Variants in CDH11 observed in about 807,000 individuals in gnomAD.
CDH11 encodes cadherin 11.
Under a neutral mutation model 67.8 loss-of-function variants are expected in CDH11, and 11 were observed. The observed-to-expected ratio is 0.16, with a 90% CI of 0.10 to 0.27. The LOEUF is 0.27. CDH11 is among the 10% of genes least tolerant of loss of function. CDH11 has a pLI of 1.00. For synonymous variants in CDH11, 419 were observed against 400.0 expected (o/e 1.05, Z -0.57); for missense variants, 847 against 1,031.2 (o/e 0.82, Z 2.45).
At chr16:64,954,605 C>T (rs1465354279) in intron 11 of CDH11, among the ~76,000 whole-genome samples, 4 of 152,126 alleles carry the variant, frequency 2.6e-5, no homozygotes, top group African/African-American at 7.2e-5. Context: ...TAAAGGTGAA[C>T]ACAGTGGGTA....
rs143816723 is a variant in CDH11 at position 64,976,851 on chromosome 16, AAACCAACCAACC to A, written c.1254-3823_1254-3812del. 3.2e-3 allele frequency among the ~76,000 whole-genome samples: 474 copies of A among 147,078 alleles called. 4 individuals carry two copies. The highest frequency in any genetic ancestry group is 9.9e-3 in the African/African-American group (391 of 39,642). ...CAACAGAGTGAGACTCGGTCTCCAA[AAACCAACCAACC>A]AACCAACCAACCAACCAACCAACCA... On this transcript the variant is annotated intron_variant, in intron 8 of 12. Coordinates refer to ENST00000268603, the MANE Select transcript of CDH11 (RefSeq NM_001797.4).
At chr16:65,032,326 A>C (rs1370979753) in intron 2 of CDH11, among the ~76,000 whole-genome samples, 4 of 141,972 alleles carry the variant, frequency 2.8e-5, no homozygotes, top group African/African-American at 2.7e-5. Flanking sequence ...GTCTCTCCCA[A>C]AAAAAAAAAA....
chr16:64,972,942 G>GA lies in CDH11; in HGVS notation c.1351_1352insT (p.Thr451IlefsTer27). On this transcript the variant is annotated frameshift_variant, in exon 9 of 13. Coordinates refer to ENST00000268603, the MANE Select transcript of CDH11 (RefSeq NM_001797.4). LOFTEE classifies it high-confidence loss of function. ...AAAGACAGTGATGTTGAGCCAGGCT[G>GA]TTTCCTCTCTATCCAGAGGTTTTGT... The GA allele has an allele frequency of 6.2e-7, 1 of 1,613,808 alleles. No individual in the cohort carries two copies. Among genetic ancestry groups the GA allele is most frequent in the Non-Finnish European group, 8.5e-7 (1 of 1,179,796 alleles).
At chr16:65,075,256 G>C (rs1010016637) in intron 1 of CDH11, among the ~76,000 whole-genome samples, 1 of 152,232 alleles carries the variant, frequency 6.6e-6, no homozygotes, top group Non-Finnish European at 1.5e-5. Flanking sequence ...CAGAATGTCA[G>C]ACAAGCTTCT....
intron 1 of CDH11, among the ~76,000 whole-genome samples, chr16:65,109,581 C>T (rs1418088367): frequency 6.6e-6 from 1 of 152,174 alleles, no homozygotes; most frequent in Admixed American, 6.5e-5. Flanking sequence ...GGCCACTTGT[C>T]CATTTTATGG....
In CDH11 at chr16:65,049,593, T is replaced by C. The variant is rs1183924769; in HGVS notation, c.-173+4211A>G. Among the ~76,000 whole-genome samples the C allele has an allele frequency of 2.6e-5, 4 of 152,286 alleles. No individual in the cohort carries two copies. In the East Asian group the frequency reaches 7.7e-4, roughly 29 times the overall value. On this transcript the variant is annotated intron_variant, in intron 2 of 12. Transcript: ENST00000268603. Reference sequence around the variant, plus strand: ...TGTCATTGACCTCTTTGCCCATCACTAGCTAAATAAAGCAAGATCAAAGAA... The same window carrying C: ...TGTCATTGACCTCTTTGCCCATCACCAGCTAAATAAAGCAAGATCAAAGAA...
At chr16:65,085,727 T>C (rs1016270120) in intron 1 of CDH11, among the ~76,000 whole-genome samples, 5 of 152,146 alleles carry the variant, frequency 3.3e-5, no homozygotes, top group Admixed American at 2.6e-4. Context: ...GAACTAAGAG[T>C]GAGGAAACTG....
chr16:65,060,322 C>G (rs751443990), intron 1 of CDH11, among the ~76,000 whole-genome samples: 1 of 137,704 alleles, frequency 7.3e-6, no homozygotes, highest in Non-Finnish European at 1.5e-5. Context: ...TCTAAGCACA[C>G]CCACTATAAA....
At chr16:65,072,895 C>T (rs1448157553) in intron 1 of CDH11, among the ~76,000 whole-genome samples, 1 of 152,110 alleles carries the variant, frequency 6.6e-6, no homozygotes, top group Non-Finnish European at 1.5e-5. Flanking sequence ...GGTGTGCCTC[C>T]CATGTGGGGT....
chr16:65,056,219 G>A (rs570289747), intron 1 of CDH11, among the ~76,000 whole-genome samples: 1 of 152,288 alleles, frequency 6.6e-6, no homozygotes, highest in South Asian at 2.1e-4. Context: ...ATATTACTGT[G>A]CTGTGAGAAA....
chr16:65,113,841 A>T (rs2075199934), intron 1 of CDH11, among the ~76,000 whole-genome samples: 4 of 152,126 alleles, frequency 2.6e-5, no homozygotes, highest in Admixed American at 2.6e-4. Flanking sequence ...ACCCCCCATA[A>T]GATGCTGGCG....
intron 2 of CDH11, among the ~76,000 whole-genome samples, chr16:65,036,526 A>C (rs1282232688): frequency 2.6e-5 from 4 of 152,168 alleles, no homozygotes; most frequent in Non-Finnish European, 4.4e-5. Flanking sequence ...ACAGCTTTGA[A>C]GTCACAAAAG....
intron 2 of CDH11, among the ~76,000 whole-genome samples, chr16:65,029,171 A>G (rs2073591047): frequency 6.6e-6 from 1 of 152,214 alleles, no homozygotes; most frequent in African/African-American, 2.4e-5. Context: ...GAAAAGATTT[A>G]AGCATTACAC....
At chr16:65,073,923 G>C (rs2074463352) in intron 1 of CDH11, among the ~76,000 whole-genome samples, 2 of 152,086 alleles carry the variant, frequency 1.3e-5, no homozygotes, top group Non-Finnish European at 2.9e-5. Flanking sequence ...GAATGGAGAG[G>C]GGAAGCAAAC....
chr16:65,020,184 T>C (rs1004065646), intron 2 of CDH11, among the ~76,000 whole-genome samples: 6 of 152,186 alleles, frequency 3.9e-5, no homozygotes, highest in Non-Finnish European at 7.3e-5. Flanking sequence ...AGGCCTTACA[T>C]AGAATCTAAT....
At chr16:65,079,002 G>A (rs922642406) in intron 1 of CDH11, among the ~76,000 whole-genome samples, 1 of 152,186 alleles carries the variant, frequency 6.6e-6, no homozygotes, top group Non-Finnish European at 1.5e-5. Context: ...TGTTGATTCC[G>A]AAGCTAAAAG....
At chr16:65,013,656 C>G (rs1275834756) in intron 2 of CDH11, among the ~76,000 whole-genome samples, 1 of 151,904 alleles carries the variant, frequency 6.6e-6, no homozygotes, top group Non-Finnish European at 1.5e-5. Context: ...AACCCAGTTT[C>G]TACTAAAAAA....
chr16:64,978,726 T>TATGCAC (rs756242869), intron 8 of CDH11, among the ~76,000 whole-genome samples: 5 of 152,210 alleles, frequency 3.3e-5, no homozygotes, highest in Non-Finnish European at 5.9e-5. Context: ...AATAATTGGA[T>TATGCAC]ATGCACATGC....
chr16:65,099,564 T>G (rs2074955618), intron 1 of CDH11, among the ~76,000 whole-genome samples: 1 of 152,176 alleles, frequency 6.6e-6, no homozygotes, highest in South Asian at 2.1e-4. Context: ...AAAGCTATGT[T>G]CTGAGACTTC....
Sources: allele counts gnomAD v4.1 joint callset (sites outside exome capture counted in the v4.1 genomes callset), GRCh38; gene constraint gnomAD v4.1.1; transcripts MANE v1.5; gene names NCBI Gene and HGNC (gene_info 2026-07-23, HGNC 2026-07-21).